Variants in CNBD1 observed in about 807,000 individuals in gnomAD.
CNBD1 encodes the protein cyclic nucleotide binding domain containing 1.
CNBD1 carries 71 observed loss-of-function variants against 54.4 expected under a neutral mutation model. That is an observed-to-expected ratio of 1.30 (90% CI 1.08 to 1.59). The LOEUF (loss-of-function observed/expected upper bound fraction) is 1.59. Among genes scored for constraint, CNBD1 ranks in the 40% most tolerant of loss-of-function variants. CNBD1 has a pLI of 0.00. For synonymous variants in CNBD1, 182 were observed against 170.7 expected, an observed-to-expected ratio of 1.07 and a Z score of -0.51; for missense variants, 659 against 518.0, an observed-to-expected ratio of 1.27 and a Z score of -2.64.
At chr8:87,423,639 G>T (rs1347382259) in intron 2 of CNBD1, among the ~76,000 whole-genome samples, 2 of 147,156 alleles carry the variant, frequency 1.4e-5, no homozygotes, top group Admixed American at 6.7e-5. Context: ...CTTGATCATG[G>T]TGGATAAGCT....
chr8:86,917,509 G>A (rs971957918), intron 3 of CNBD1, among the ~76,000 whole-genome samples: 3 of 152,150 alleles, frequency 2.0e-5, no homozygotes, highest in Non-Finnish European at 4.4e-5. Flanking sequence ...TGCACTGAGG[G>A]GGTCTAGAAT....
chr8:87,272,866 A>G (rs1808395762), intron 6 of CNBD1, among the ~76,000 whole-genome samples: 1 of 151,914 alleles, frequency 6.6e-6, no homozygotes, highest in African/African-American at 2.4e-5. Flanking sequence ...GTCACTAACA[A>G]CTTCTTTAAT....
chr8:87,428,187 A>C (rs1215411232), intron 2 of CNBD1, among the ~76,000 whole-genome samples: 1 of 152,140 alleles, frequency 6.6e-6, no homozygotes, highest in African/African-American at 2.4e-5. Flanking sequence ...AAAAACAAAA[A>C]ACCCAAATAT....
intron 8 of CNBD1, among the ~76,000 whole-genome samples, chr8:87,298,766 G>C (rs1808931130): frequency 6.6e-6 from 1 of 151,422 alleles, no homozygotes; most frequent in Non-Finnish European, 1.5e-5. Context: ...TTACAGATGT[G>C]AGCCACCATG....
At chr8:86,964,111 C>T (rs1808008489) in intron 4 of CNBD1, among the ~76,000 whole-genome samples, 1 of 152,292 alleles carries the variant, frequency 6.6e-6, no homozygotes, top group South Asian at 2.1e-4. Context: ...ACTCTCTGGT[C>T]GTATGGCCTG....
At chr8:87,423,575 C>T (rs984475599) in intron 2 of CNBD1, among the ~76,000 whole-genome samples, 1 of 149,658 alleles carries the variant, frequency 6.7e-6, no homozygotes, top group African/African-American at 2.5e-5. Context: ...TGCTGGATTA[C>T]ATTTATTGAT....
chr8:86,942,965 G>A lies in CNBD1; in HGVS notation c.431+3211G>A, dbSNP rs192942938. Reference sequence around the variant, plus strand: ...AATTAAACCATGATCAGATTGACGGGCTGTTTAAGTGATGTTATCTAATGA... The same window carrying A: ...AATTAAACCATGATCAGATTGACGGACTGTTTAAGTGATGTTATCTAATGA... On this transcript the variant is annotated intron_variant, in intron 4 of 10. Transcript: ENST00000518476. 4.1e-3 allele frequency among the ~76,000 whole-genome samples: 626 copies of A among 152,086 alleles called. 4 individuals are homozygous for A. Among genetic ancestry groups the A allele is most frequent in the Middle Eastern group, 0.024 (7 of 294 alleles).
intron 4 of CNBD1, among the ~76,000 whole-genome samples, chr8:86,963,597 GA>G (rs1391475721): frequency 1.8e-4 from 28 of 152,254 alleles, no homozygotes; most frequent in African/African-American, 5.8e-4. Context: ...TCAAACAAGG[GA>G]GAGAGAAAGG....
At position 87,332,208 on chromosome 8, in the gene CNBD1, C is replaced by T. The variant is rs181885973; in HGVS notation, c.1043-19477C>T. ...ATTAAAAATACAAAAATTAGCTGGG[C>T]GTGGTTGTGGGCACCTGTAATTCCA... On this transcript the variant is annotated intron_variant, in intron 8 of 10. Coordinates refer to ENST00000518476, the MANE Select transcript of CNBD1 (RefSeq NM_173538.3). Among the ~76,000 whole-genome samples, 595 of 152,140 alleles carry T rather than the reference C, an allele frequency of 3.9e-3. 8 individuals are homozygous for T. The highest frequency in any genetic ancestry group is 0.013 in the African/African-American group (560 of 41,532).
chr8:87,180,511 T>C (rs1372736937), intron 4 of CNBD1, among the ~76,000 whole-genome samples: 1 of 152,180 alleles, frequency 6.6e-6, no homozygotes, highest in Non-Finnish European at 1.5e-5. Context: ...CTTTCACCTG[T>C]ACAATGACTA....
intron 10 of CNBD1, among the ~76,000 whole-genome samples, chr8:87,370,949 TA>T: frequency 6.6e-6 from 1 of 151,128 alleles, no homozygotes; most frequent in East Asian, 1.9e-4. Context: ...TACATATGGC[TA>T]GCCAGTTTTC....
chr8:87,336,873 GT>G (rs1374097618), intron 8 of CNBD1, among the ~76,000 whole-genome samples: 1 of 152,030 alleles, frequency 6.6e-6, no homozygotes, highest in Non-Finnish European at 1.5e-5. Context: ...CTTGGATGAG[GT>G]TTTTTTGGTG....
chr8:87,393,011 A>C (rs1460669117), intron 2 of CNBD1, among the ~76,000 whole-genome samples: 1 of 151,914 alleles, frequency 6.6e-6, no homozygotes, highest in African/African-American at 2.4e-5. Flanking sequence ...AGATTTATTT[A>C]GAGGTTTTTG....
intron 4 of CNBD1, among the ~76,000 whole-genome samples, chr8:87,123,891 T>C (rs1490118712): frequency 1.3e-5 from 2 of 151,640 alleles, no homozygotes; most frequent in African/African-American, 4.8e-5. Context: ...CTAGAAGAAA[T>C]TGATAAATTT....
At chr8:87,016,619 TA>T (rs546619762) in intron 4 of CNBD1, among the ~76,000 whole-genome samples, 1 of 152,140 alleles carries the variant, frequency 6.6e-6, no homozygotes, top group East Asian at 1.9e-4. Flanking sequence ...TCAGCTTCTT[TA>T]AAAAAAACTT....
chr8:87,048,131 G>T (rs753539481), intron 4 of CNBD1, among the ~76,000 whole-genome samples: 1 of 151,994 alleles, frequency 6.6e-6, no homozygotes, highest in South Asian at 2.1e-4. Context: ...TTTGCAAATC[G>T]GGGTCTAGAG....
At chr8:87,320,048 G>A (rs576440659) in intron 8 of CNBD1, among the ~76,000 whole-genome samples, 1 of 152,014 alleles carries the variant, frequency 6.6e-6, no homozygotes, top group Admixed American at 6.6e-5. Flanking sequence ...ATCAAGTACA[G>A]ACTTCACACC....
intron 4 of CNBD1, among the ~76,000 whole-genome samples, chr8:86,984,715 G>T (rs1563847787): frequency 6.6e-6 from 1 of 152,108 alleles, no homozygotes; most frequent in Admixed American, 6.5e-5. Flanking sequence ...CTTTGTTTTG[G>T]CCAATTTCTC....
chr8:87,203,714 A>G (rs1813910760), intron 4 of CNBD1, among the ~76,000 whole-genome samples: 1 of 152,228 alleles, frequency 6.6e-6, no homozygotes, highest in Non-Finnish European at 1.5e-5. Context: ...TTTAGAGGAC[A>G]TACCCTCCTC....
Sources: allele counts gnomAD v4.1 joint callset (sites outside exome capture counted in the v4.1 genomes callset), GRCh38; gene constraint gnomAD v4.1.1; transcripts MANE v1.5; gene names NCBI Gene and HGNC (gene_info 2026-07-23, HGNC 2026-07-21).